Variants in CFAP299 observed in about 807,000 individuals in gnomAD.
The protein encoded by CFAP299 is cilia- and flagella-associated protein 299.
CFAP299 carries 21 observed loss-of-function variants against 27.0 expected under a neutral mutation model. The observed-to-expected ratio is 0.78, with a 90% CI of 0.55 to 1.12. The LOEUF is 1.12. Ranked by LOEUF, CFAP299 falls within the 50% of genes most tolerant of loss-of-function variation. The probability of loss-of-function intolerance (pLI) is 0.00; values close to 1 mark genes in which losing one functional copy is unlikely to be tolerated. For missense variants in CFAP299, 310 were observed against 276.6 expected, an observed-to-expected ratio of 1.12 and a Z score of -0.86; for synonymous variants, 104 against 98.1, an observed-to-expected ratio of 1.06 and a Z score of -0.36.
chr4:80,747,231 A>G (rs1439111106), intron 3 of CFAP299, among the ~76,000 whole-genome samples: 1 of 152,056 alleles, frequency 6.6e-6, no homozygotes, highest in Non-Finnish European at 1.5e-5. Context: ...ATAGTACTTT[A>G]TTATCATTAT....
intron 2 of CFAP299, among the ~76,000 whole-genome samples, chr4:80,405,767 A>G (rs1430662859): frequency 6.6e-6 from 1 of 152,160 alleles, no homozygotes; most frequent in East Asian, 1.9e-4. Context: ...TACAAGGAAT[A>G]TGAATATAAA....
chr4:80,645,696 A>G lies in CFAP299; in HGVS notation c.333+62513A>G, dbSNP rs534507666. Among the ~76,000 whole-genome samples the G allele has an allele frequency of 2.8e-3, 431 of 152,306 alleles. 1 individual carries two copies. The highest frequency in any genetic ancestry group is 4.8e-3 in the Non-Finnish European group (325 of 68,034). Reference sequence around the variant, plus strand: ...ATAACTAGGAAAAAAGGAAGAACTGATAGAACTTCAGGTAGTTTAAATAGC... The same window carrying G: ...ATAACTAGGAAAAAAGGAAGAACTGGTAGAACTTCAGGTAGTTTAAATAGC... On this transcript the variant is annotated intron_variant, in intron 3 of 5. Transcript: ENST00000358105.
intron 2 of CFAP299, among the ~76,000 whole-genome samples, chr4:80,423,027 AT>A (rs1220924845): frequency 2.0e-5 from 3 of 152,218 alleles, no homozygotes; most frequent in African/African-American, 7.2e-5. Context: ...ATATTTGTAT[AT>A]CTAAACATAT....
At chr4:80,571,808 G>A (rs1323664165) in intron 2 of CFAP299, among the ~76,000 whole-genome samples, 1 of 152,016 alleles carries the variant, frequency 6.6e-6, no homozygotes. Context: ...CCAGAAAGAG[G>A]GCCTGTACCA....
intron 2 of CFAP299, among the ~76,000 whole-genome samples, chr4:80,467,418 T>C (rs1729760209): frequency 6.6e-6 from 1 of 152,198 alleles, no homozygotes; most frequent in South Asian, 2.1e-4. Flanking sequence ...TTCATTTTGC[T>C]CTAGATTTCC....
At chr4:80,388,506 G>A in intron 2 of CFAP299, 2 of 1,413,344 alleles carry the variant, frequency 1.4e-6, no homozygotes, top group Admixed American at 1.7e-5. Context: ...TCCCGCTTGT[G>A]GGTCATAAAC....
At chr4:80,712,194 A>T (rs1722215063) in intron 3 of CFAP299, among the ~76,000 whole-genome samples, 1 of 152,156 alleles carries the variant, frequency 6.6e-6, no homozygotes, top group South Asian at 2.1e-4. Context: ...TATTTAAGGC[A>T]TTTGGTTACT....
intron 3 of CFAP299, among the ~76,000 whole-genome samples, chr4:80,655,866 T>C (rs1447676320): frequency 2.0e-5 from 3 of 152,100 alleles, no homozygotes; most frequent in African/African-American, 7.2e-5. Flanking sequence ...AACGTACACT[T>C]TTCACCCTGC....
chr4:80,344,336 CA>C (rs1415037986), intron 1 of CFAP299, among the ~76,000 whole-genome samples: 1 of 151,654 alleles, frequency 6.6e-6, no homozygotes, highest in African/African-American at 2.4e-5. Context: ...ACTGACCCCA[CA>C]AAAATACAAC....
chr4:80,928,508 C>G (rs1736414481), intron 4 of CFAP299, among the ~76,000 whole-genome samples: 1 of 152,028 alleles, frequency 6.6e-6, no homozygotes, highest in Non-Finnish European at 1.5e-5. Context: ...TCTGACTACT[C>G]ACAGAAAGAT....
intron 2 of CFAP299, among the ~76,000 whole-genome samples, chr4:80,554,053 G>A (rs547042219): frequency 2.6e-5 from 4 of 152,006 alleles, no homozygotes; most frequent in African/African-American, 7.2e-5. Context: ...ATCTTTGTCA[G>A]GAAATCTTTG....
chr4:80,692,821 A>T (rs952418520), intron 3 of CFAP299, among the ~76,000 whole-genome samples: 21 of 152,228 alleles, frequency 1.4e-4, no homozygotes, highest in African/African-American at 5.1e-4. Flanking sequence ...GATATCCAGA[A>T]TCTATAATGA....
Position 80,642,656 on chromosome 4 carries a change from C to A in CFAP299, c.333+59473C>A, listed in dbSNP as rs997107266. Among the ~76,000 whole-genome samples, 6 of 152,140 alleles carry A rather than the reference C, an allele frequency of 3.9e-5. No individual in the cohort carries two copies. In the South Asian group the frequency reaches 1.2e-3, roughly 32 times the overall value. On this transcript the variant is annotated intron_variant, in intron 3 of 5. Transcript: ENST00000358105. ...GCACGTGCCTATAGTCCCAGCTACTCAAGTGGCTGAGGCAGGAGAATCACT... is the reference window on the plus strand; with the variant it reads ...GCACGTGCCTATAGTCCCAGCTACTAAAGTGGCTGAGGCAGGAGAATCACT...
In CFAP299 at chr4:80,443,291, G is replaced by A. The variant is rs201064698; in HGVS notation, c.242+80407G>A. Among the ~76,000 whole-genome samples the A allele has an allele frequency of 8.5e-5, 13 of 152,214 alleles. 1 individual carries two copies. The East Asian group carries it at 2.5e-3, about 29-fold the overall frequency. ...ATGCAAAAATCTTCAACAAAATACT[G>A]GGAAACCGAATCCAGCAGCACATCA... On this transcript the variant is annotated intron_variant, in intron 2 of 5. Coordinates refer to ENST00000358105, the MANE Select transcript of CFAP299 (RefSeq NM_152770.3).
At chr4:80,944,456 C>T (rs1434864866) in intron 4 of CFAP299, among the ~76,000 whole-genome samples, 1 of 152,150 alleles carries the variant, frequency 6.6e-6, no homozygotes, top group African/African-American at 2.4e-5. Context: ...CCCTCCCTTC[C>T]AGTAAACAGT....
intron 1 of CFAP299, among the ~76,000 whole-genome samples, chr4:80,338,205 A>G (rs76311358): frequency 0.013 from 1,972 of 152,338 alleles, 40 homozygotes; most frequent in African/African-American, 0.043. Context: ...TTTATCATAT[A>G]CAACATGATG....
At chr4:80,925,163 A>G (rs965576072) in intron 4 of CFAP299, among the ~76,000 whole-genome samples, 1 of 151,802 alleles carries the variant, frequency 6.6e-6, no homozygotes, top group African/African-American at 2.4e-5. Context: ...CCAGTAACCT[A>G]CCTATTCTCC....
intron 2 of CFAP299, among the ~76,000 whole-genome samples, chr4:80,471,895 G>C (rs181354284): frequency 6.6e-6 from 1 of 152,144 alleles, no homozygotes; most frequent in Non-Finnish European, 1.5e-5. Context: ...ACTGACCCGC[G>C]GCCATCCTTC....
intron 3 of CFAP299, among the ~76,000 whole-genome samples, chr4:80,666,083 C>T (rs1371910358): frequency 3.3e-5 from 5 of 152,158 alleles, no homozygotes; most frequent in African/African-American, 1.2e-4. Context: ...TTAGAATTGT[C>T]TGCTGTGGGT....
Sources: allele counts gnomAD v4.1 joint callset (sites outside exome capture counted in the v4.1 genomes callset), GRCh38; gene constraint gnomAD v4.1.1; transcripts MANE v1.5; gene names NCBI Gene and HGNC (gene_info 2026-07-23, HGNC 2026-07-21).